ADCY8: variants seen among roughly 807,000 people sequenced by gnomAD.
ADCY8 encodes the protein adenylate cyclase 8.
A neutral mutation model predicts 119.7 loss-of-function variants in ADCY8; 51 were observed. The ratio of observed to expected loss-of-function variants is 0.43; its 90% CI spans 0.34 to 0.54. The LOEUF (loss-of-function observed/expected upper bound fraction) is 0.54. Ranked by LOEUF, ADCY8 falls within the 20% of genes least tolerant of loss-of-function variation. The pLI is 0.03. For missense variants in ADCY8, 1,383 were observed against 1,598.8 expected (o/e 0.87, Z 2.30); for synonymous variants, 665 against 651.0 (o/e 1.02, Z -0.33).
At chr8:130,959,240 T>G (rs1177055278) in intron 2 of ADCY8, among the ~76,000 whole-genome samples, 1 of 152,254 alleles carries the variant, frequency 6.6e-6, no homozygotes. Context: ...AACTGTCTTA[T>G]GGAAGACATT....
At chr8:130,923,151 G>C (rs58354201) in intron 5 of ADCY8, among the ~76,000 whole-genome samples, 1,768 of 152,062 alleles carry the variant, frequency 0.012, 35 homozygotes, top group African/African-American at 0.04. Flanking sequence ...TGAATTTAAT[G>C]ACATTTTGGA....
chr8:130,831,128 T>C (rs536339411), intron 12 of ADCY8, among the ~76,000 whole-genome samples: 2 of 152,316 alleles, frequency 1.3e-5, no homozygotes, highest in South Asian at 4.2e-4. Context: ...GGAGCACATA[T>C]TATAAGGGCA....
Position 131,028,746 on chromosome 8 carries a change from G to A in ADCY8, c.960+10628C>T, listed in dbSNP as rs561715083. On this transcript the variant is annotated intron_variant, in intron 1 of 17. Transcript: ENST00000286355. ...TAAGCTGTAGGAAACAGTGGACTAA[G>A]CACCTATCCATTTTTTACGCTTAGG... 1.4e-4 allele frequency among the ~76,000 whole-genome samples: 21 copies of A among 152,302 alleles called. No individual in the cohort carries two copies. The South Asian group carries it at 4.1e-3, about 30-fold the overall frequency.
chr8:130,912,291 G>A (rs1443594491), intron 5 of ADCY8, among the ~76,000 whole-genome samples: 1 of 152,188 alleles, frequency 6.6e-6, no homozygotes, highest in Non-Finnish European at 1.5e-5. Flanking sequence ...CCCCTCTTAA[G>A]ATTGTACTGT....
intron 8 of ADCY8, among the ~76,000 whole-genome samples, chr8:130,871,250 C>T (rs183746272): frequency 6.5e-4 from 99 of 152,168 alleles, no homozygotes; most frequent in Non-Finnish European, 1.0e-3. Context: ...GTGCTTATTG[C>T]CTGCCAAAGT....
chr8:131,040,618 A>C lies in ADCY8; in HGVS notation c.-285T>G, dbSNP rs576249716. On this transcript the variant is annotated 5_prime_UTR_variant, in exon 1 of 18. Transcript: ENST00000286355. ...GCAGCGGCAGTGGCTATTTGTCCTCAGGAGCCGCAGCGCTGTGAGCCACGC... is the reference window on the plus strand; with the variant it reads ...GCAGCGGCAGTGGCTATTTGTCCTCCGGAGCCGCAGCGCTGTGAGCCACGC... 309 of 314,364 alleles carry C rather than the reference A, an allele frequency of 9.8e-4. 1 individual carries two copies. Among genetic ancestry groups the C allele is most frequent in the Middle Eastern group, 1.7e-3 (2 of 1,172 alleles). The allele number at this position is 314,364 out of a possible 1,614,324, so 19.5% of individuals were successfully genotyped here.
chr8:131,007,462 A>G (rs1009579388), intron 1 of ADCY8, among the ~76,000 whole-genome samples: 12 of 152,168 alleles, frequency 7.9e-5, no homozygotes, highest in African/African-American at 2.9e-4. Context: ...TGGAGGCCAT[A>G]GAGGCTGCCA....
intron 15 of ADCY8, among the ~76,000 whole-genome samples, chr8:130,795,442 C>G (rs748942691): frequency 3.9e-5 from 6 of 152,236 alleles, no homozygotes; most frequent in African/African-American, 7.2e-5. Flanking sequence ...AAGCTGCACA[C>G]TCGCGAAGCC....
chr8:130,941,139 G>A (rs149099652), intron 4 of ADCY8, among the ~76,000 whole-genome samples: 47 of 152,306 alleles, frequency 3.1e-4, no homozygotes, highest in East Asian at 1.5e-3. Flanking sequence ...TTGTAATCAC[G>A]TAAGTAGTAC....
At chr8:130,992,405 A>AGCAAC (rs1563759064) in intron 1 of ADCY8, among the ~76,000 whole-genome samples, 7 of 31,960 alleles carry the variant, frequency 2.2e-4, no homozygotes, top group African/African-American at 8.9e-4. Flanking sequence ...ATATATATAT[A>AGCAAC]TATATATATA....
chr8:130,924,467 T>G (rs1041286135), intron 5 of ADCY8, among the ~76,000 whole-genome samples: 7 of 152,206 alleles, frequency 4.6e-5, no homozygotes, highest in Admixed American at 1.3e-4. Flanking sequence ...GTAAAAATGC[T>G]GTATAAACAG....
chr8:130,904,455 T>G (rs564204014), intron 6 of ADCY8, among the ~76,000 whole-genome samples: 7 of 152,206 alleles, frequency 4.6e-5, no homozygotes, highest in Non-Finnish European at 8.8e-5. Context: ...CAAATCACCA[T>G]GCAAAAACAG....
At chr8:131,028,680 G>T (rs1477722905) in intron 1 of ADCY8, among the ~76,000 whole-genome samples, 1 of 152,140 alleles carries the variant, frequency 6.6e-6, no homozygotes, top group East Asian at 1.9e-4. Context: ...TAGATAAACT[G>T]GTCCAGTTAG....
At chr8:130,984,743 A>AG (rs1822344938) in intron 2 of ADCY8, among the ~76,000 whole-genome samples, 3 of 152,292 alleles carry the variant, frequency 2.0e-5, no homozygotes, top group African/African-American at 7.2e-5. Context: ...TTGATGTGAA[A>AG]GGATCAGGTA....
chr8:131,032,890 G>C (rs1185192003), intron 1 of ADCY8, among the ~76,000 whole-genome samples: 3 of 152,122 alleles, frequency 2.0e-5, no homozygotes, highest in African/African-American at 7.2e-5. Context: ...CAAAAATCCT[G>C]GGAAGAAAAT....
intron 2 of ADCY8, among the ~76,000 whole-genome samples, chr8:130,982,095 A>C (rs1237982771): frequency 6.6e-6 from 1 of 152,232 alleles, no homozygotes; most frequent in Non-Finnish European, 1.5e-5. Context: ...ATAATGCGCT[A>C]GGAAGATTGC....
In ADCY8 at chr8:131,040,505, G is replaced by C. The variant is rs1028126126; in HGVS notation, c.-172C>G. On this transcript the variant is annotated 5_prime_UTR_variant, in exon 1 of 18. Coordinates refer to ENST00000286355, the MANE Select transcript of ADCY8 (RefSeq NM_001115.3). ...CTCCCTGTAGGTCGGGTCATACTGT[G>C]CCCAGGGGCAAAGGGCACCTGGAAG... 2.0e-5 allele frequency: 14 copies of C among 715,358 alleles called. No homozygotes were observed. In the South Asian group the frequency reaches 6.6e-4, roughly 34 times the overall value. 44.3% of individuals were successfully genotyped at this position (715,358 alleles called of 1,614,324 possible). A position where few individuals can be genotyped will look rare whatever the true frequency, so the allele number is the denominator to read the frequency against.
At chr8:130,796,572 G>T (rs1207606776) in intron 15 of ADCY8, among the ~76,000 whole-genome samples, 1 of 152,022 alleles carries the variant, frequency 6.6e-6, no homozygotes, top group Non-Finnish European at 1.5e-5. Flanking sequence ...ACTCAGCCAG[G>T]CAGAATCTAG....
chr8:130,898,680 G>A (rs1186650831), intron 7 of ADCY8, among the ~76,000 whole-genome samples: 1 of 152,204 alleles, frequency 6.6e-6, no homozygotes, highest in African/African-American at 2.4e-5. Flanking sequence ...TCCAGGCTCT[G>A]AAAAGGGGCC....
Sources: gnomAD v4.1 joint callset for allele counts (sites outside exome capture counted in the v4.1 genomes callset) on GRCh38, gnomAD v4.1.1 for gene constraint, MANE v1.5 for transcripts, NCBI Gene and HGNC (gene_info 2026-07-23, HGNC 2026-07-21) for gene names.